PDE4D: variants seen among roughly 807,000 people sequenced by gnomAD.
The protein encoded by PDE4D is 3',5'-cyclic-AMP phosphodiesterase 4D.
A neutral mutation model predicts 87.4 loss-of-function variants in PDE4D; 24 were observed. The ratio of observed to expected loss-of-function variants is 0.27; its 90% CI spans 0.20 to 0.39. The LOEUF is 0.39. Ranked by LOEUF, PDE4D falls within the 10% of genes least tolerant of loss-of-function variation. PDE4D has a pLI of 1.00. For missense variants in PDE4D, 714 were observed against 1,041.0 expected (o/e 0.69, Z 4.32); for synonymous variants, 384 against 383.2 (o/e 1.00, Z -0.02).
intron 6 of PDE4D, among the ~76,000 whole-genome samples, chr5:58,994,500 A>AC (rs1748702927): frequency 6.6e-6 from 1 of 152,170 alleles, no homozygotes; most frequent in Admixed American, 6.5e-5. Flanking sequence ...TAGATACTTG[A>AC]CAAAAAAAAG....
intron 1 of PDE4D, among the ~76,000 whole-genome samples, chr5:60,263,194 G>C (rs776154593): frequency 6.6e-6 from 1 of 152,200 alleles, no homozygotes; most frequent in Non-Finnish European, 1.5e-5. Context: ...CCCACAGAGA[G>C]AGTTCTGCTA....
chr5:59,067,704 A>T (rs188365816), intron 5 of PDE4D, among the ~76,000 whole-genome samples: 1 of 152,210 alleles, frequency 6.6e-6, no homozygotes, highest in African/African-American at 2.4e-5. Context: ...ACTGAAGTCA[A>T]TGCTGTTATC....
At chr5:59,635,575 C>T (rs1339531923) in intron 1 of PDE4D, among the ~76,000 whole-genome samples, 1 of 152,168 alleles carries the variant, frequency 6.6e-6, no homozygotes, top group Non-Finnish European at 1.5e-5. Context: ...GGATGCAAGG[C>T]TAGTTCAACA....
At chr5:60,481,717 T>A (rs746661152) in intron 1 of PDE4D, among the ~76,000 whole-genome samples, 5 of 152,112 alleles carry the variant, frequency 3.3e-5, no homozygotes, top group Non-Finnish European at 7.4e-5. Context: ...TAGAAGAGGA[T>A]GGGTGAGGTA....
chr5:60,333,474 T>C (rs1171132990), intron 1 of PDE4D, among the ~76,000 whole-genome samples: 2 of 152,162 alleles, frequency 1.3e-5, no homozygotes, highest in African/African-American at 2.4e-5. Context: ...TTTCTCTCTC[T>C]GGTTTTAGCT....
chr5:59,098,509 G>T (rs1770150469), intron 5 of PDE4D, among the ~76,000 whole-genome samples: 1 of 150,854 alleles, frequency 6.6e-6, no homozygotes, highest in Non-Finnish European at 1.5e-5. Context: ...ACCAGCCTGG[G>T]TAACATAGTG....
chr5:59,783,640 G>A (rs985978717), intron 1 of PDE4D, among the ~76,000 whole-genome samples: 1 of 152,142 alleles, frequency 6.6e-6, no homozygotes, highest in Non-Finnish European at 1.5e-5. Context: ...CATTTGAAAG[G>A]AAAAATATCA....
chr5:60,424,422 T>C (rs925864208), intron 1 of PDE4D, among the ~76,000 whole-genome samples: 5 of 152,100 alleles, frequency 3.3e-5, no homozygotes, highest in African/African-American at 1.2e-4. Context: ...ACAGAACCAA[T>C]GACAAAAACC....
At chr5:59,352,483 T>C (rs1780678111) in intron 1 of PDE4D, among the ~76,000 whole-genome samples, 1 of 152,132 alleles carries the variant, frequency 6.6e-6, no homozygotes, top group Admixed American at 6.6e-5. Context: ...AAGATGTGGG[T>C]TTGAGACAGC....
intron 2 of PDE4D, among the ~76,000 whole-genome samples, chr5:60,144,885 T>C (rs1457736523): frequency 1.3e-5 from 2 of 152,204 alleles, no homozygotes; most frequent in East Asian, 3.8e-4. Context: ...TAGATCACTC[T>C]AAATCTCATC....
At chr5:59,464,156 T>C (rs1801199511) in intron 1 of PDE4D, among the ~76,000 whole-genome samples, 1 of 152,202 alleles carries the variant, frequency 6.6e-6, no homozygotes, top group Non-Finnish European at 1.5e-5. Context: ...GTCTGAAATA[T>C]GGCCTCGTGG....
rs377363647 is a variant in PDE4D, at chr5:60,186,047, G to A, written c.-89-360C>T. Among the ~76,000 whole-genome samples the A allele has an allele frequency of 1.3e-4, 20 of 152,068 alleles. 1 individual carries two copies. The East Asian group carries it at 2.9e-3, about 22-fold the overall frequency. On this transcript the variant is annotated intron_variant, in intron 1 of 16. Coordinates refer to the PDE4D transcript ENST00000502484. ...TTCTTGTTGGGACAGCTAAGGATTC[G>A]ACAATTTTTCACTAAGGGATCACTA... is the stretch of plus-strand genomic sequence containing the variant.
chr5:59,540,104 G>C (rs1222642770), intron 1 of PDE4D, among the ~76,000 whole-genome samples: 1 of 152,120 alleles, frequency 6.6e-6, no homozygotes, highest in African/African-American at 2.4e-5. Flanking sequence ...TCTCCAGCAA[G>C]TTCCTAGGTG....
chr5:59,268,564 C>T (rs2153539696), intron 1 of PDE4D, among the ~76,000 whole-genome samples: 1 of 152,100 alleles, frequency 6.6e-6, no homozygotes, highest in Middle Eastern at 3.4e-3. Flanking sequence ...TACTTCTGTC[C>T]ATTTTCTAAT....
chr5:59,868,168 A>C (rs1256340259), intron 1 of PDE4D, among the ~76,000 whole-genome samples: 1 of 152,182 alleles, frequency 6.6e-6, no homozygotes, highest in East Asian at 1.9e-4. Context: ...AAATTATTGA[A>C]GACTCACAGA....
intron 1 of PDE4D, among the ~76,000 whole-genome samples, chr5:59,855,667 T>A (rs1376453003): frequency 6.6e-6 from 1 of 152,134 alleles, no homozygotes; most frequent in Non-Finnish European, 1.5e-5. Context: ...AGCATTCTAG[T>A]CTCATAATTT....
At chr5:60,341,589 A>T (rs1758322696) in intron 1 of PDE4D, among the ~76,000 whole-genome samples, 1 of 152,208 alleles carries the variant, frequency 6.6e-6, no homozygotes. Flanking sequence ...TGCCAAGTCC[A>T]TTTAAAGACT....
intron 2 of PDE4D, among the ~76,000 whole-genome samples, chr5:60,158,454 G>C (rs1782180641): frequency 6.6e-6 from 1 of 152,240 alleles, no homozygotes; most frequent in Non-Finnish European, 1.5e-5. Flanking sequence ...AAGATTGGAA[G>C]TTGCTCTGGG....
intron 2 of PDE4D, among the ~76,000 whole-genome samples, chr5:60,135,454 G>A (rs867041544): frequency 6.6e-6 from 1 of 152,136 alleles, no homozygotes; most frequent in African/African-American, 2.4e-5. Context: ...TCTCATGGAA[G>A]ACTAACGTGC....
Sources: allele counts gnomAD v4.1 joint callset (sites outside exome capture counted in the v4.1 genomes callset), GRCh38; gene constraint gnomAD v4.1.1; transcripts MANE v1.5; gene names NCBI Gene and HGNC (gene_info 2026-07-23, HGNC 2026-07-21).